Variants in MGAT5 observed in about 807,000 individuals in gnomAD.
MGAT5 encodes alpha-1,6-mannosylglycoprotein 6-beta-N-acetylglucosaminyltransferase A.
A neutral mutation model predicts 94.3 loss-of-function variants in MGAT5; 30 were observed. The ratio of observed to expected loss-of-function variants is 0.32; its 90% CI spans 0.24 to 0.43. The LOEUF (loss-of-function observed/expected upper bound fraction) is 0.43, where lower values mean the gene tolerates loss of function less well. MGAT5 is among the 20% of genes least tolerant of loss of function. The pLI, the probability that MGAT5 is intolerant of heterozygous loss-of-function variation, is 1.00. For missense variants in MGAT5, 691 were observed against 905.5 expected, an observed-to-expected ratio of 0.76 and a Z score of 3.04; for synonymous variants, 310 against 322.9, an observed-to-expected ratio of 0.96 and a Z score of 0.43.
intron 1 of MGAT5, among the ~76,000 whole-genome samples, chr2:134,168,932 A>G (rs1348491063): frequency 1.3e-5 from 2 of 152,176 alleles, no homozygotes; most frequent in Non-Finnish European, 2.9e-5. Context: ...TTGAGAAGGG[A>G]TCAACCTGAC....
chr2:134,212,934 G>T lies in MGAT5; in HGVS notation c.-142-41328G>T, dbSNP rs557031172. On this transcript the variant is annotated intron_variant, in intron 1 of 16. Transcript: ENST00000409645. ...GTAAGTGAGCCAGCTTGAATGCCGA[G>T]CTTCACTGGGCATAGAATGCTGATT... Among the ~76,000 whole-genome samples the T allele has an allele frequency of 5.9e-5, 9 of 152,212 alleles. No homozygotes were observed. In the South Asian group the frequency reaches 1.7e-3, roughly 28 times the overall value.
chr2:134,373,584 CAT>C (rs1680957882), intron 10 of MGAT5, among the ~76,000 whole-genome samples: 1 of 152,196 alleles, frequency 6.6e-6, no homozygotes, highest in Non-Finnish European at 1.5e-5. Context: ...GATTTCTAGG[CAT>C]AGTCCATATT....
At chr2:134,385,003 G>T (rs1029627313) in intron 10 of MGAT5, among the ~76,000 whole-genome samples, 1 of 152,154 alleles carries the variant, frequency 6.6e-6, no homozygotes, top group Non-Finnish European at 1.5e-5. Flanking sequence ...CATGTCCATG[G>T]AAGAGCCATG....
At chr2:134,403,940 A>C (rs2106301315) in intron 11 of MGAT5, among the ~76,000 whole-genome samples, 1 of 152,320 alleles carries the variant, frequency 6.6e-6, no homozygotes, top group Middle Eastern at 3.4e-3. Context: ...ACTGTAGGGA[A>C]GTCCACCCAG....
rs189416308 is a variant in MGAT5, at chr2:134,153,586, G to A, written c.-143+33295G>A. Among the ~76,000 whole-genome samples the A allele has an allele frequency of 3.1e-4, 47 of 152,274 alleles. 1 individual carries two copies. In the East Asian group the frequency reaches 8.3e-3, roughly 27 times the overall value. Reference sequence around the variant, plus strand: ...TGGTCTCCCTGAAGAGGCTGGAAACGTAATCCAGTGGTGTCTGTTTGTTTC... The same window carrying A: ...TGGTCTCCCTGAAGAGGCTGGAAACATAATCCAGTGGTGTCTGTTTGTTTC... On this transcript the variant is annotated intron_variant, in intron 1 of 16. Transcript: ENST00000409645.
chr2:134,286,647 T>C (rs1685024993), intron 2 of MGAT5, among the ~76,000 whole-genome samples: 1 of 152,144 alleles, frequency 6.6e-6, no homozygotes, highest in African/African-American at 2.4e-5. Context: ...CTTGAACTCC[T>C]GACCTCAGGT....
chr2:134,433,639 C>T (rs1283865866), intron 14 of MGAT5, among the ~76,000 whole-genome samples: 2 of 152,132 alleles, frequency 1.3e-5, no homozygotes, highest in South Asian at 2.1e-4. Context: ...AAGCACACGC[C>T]GAGAATGGTC....
intron 14 of MGAT5, among the ~76,000 whole-genome samples, chr2:134,435,000 G>A (rs895381508): frequency 2.0e-5 from 3 of 152,086 alleles, no homozygotes; most frequent in Non-Finnish European, 4.4e-5. Context: ...TGTTTCATGG[G>A]GATTTGTTGA....
intron 1 of MGAT5, among the ~76,000 whole-genome samples, chr2:134,201,350 G>A (rs1443124840): frequency 2.6e-5 from 4 of 152,030 alleles, no homozygotes. Context: ...ATGGGGTTGG[G>A]ATATTGTAAT....
At chr2:134,234,933 G>A (rs1024858235) in intron 1 of MGAT5, among the ~76,000 whole-genome samples, 2 of 152,150 alleles carry the variant, frequency 1.3e-5, no homozygotes, top group Non-Finnish European at 2.9e-5. Context: ...AGCTTCAAGT[G>A]CTTAGGGTGG....
At chr2:134,289,413 T>A (rs4954125) in intron 2 of MGAT5, among the ~76,000 whole-genome samples, 17 of 152,000 alleles carry the variant, frequency 1.1e-4, no homozygotes, top group Admixed American at 4.6e-4. Flanking sequence ...AGCCAGCTGC[T>A]TCCTGCCAGT....
chr2:134,144,104 C>T (rs1040597341), intron 1 of MGAT5, among the ~76,000 whole-genome samples: 3 of 152,170 alleles, frequency 2.0e-5, no homozygotes, highest in Non-Finnish European at 4.4e-5. Context: ...ATGAAGCTCA[C>T]TGGGCTCCAA....
chr2:134,357,894 G>T (rs1000044812), intron 9 of MGAT5, among the ~76,000 whole-genome samples: 6 of 150,068 alleles, frequency 4.0e-5, no homozygotes, highest in Admixed American at 4.0e-4. Context: ...AAAAAAATCA[G>T]TTTTTGTAAA....
At chr2:134,416,474 C>CTTTTTTTTTTT (rs71275904) in intron 12 of MGAT5, among the ~76,000 whole-genome samples, 28 of 139,204 alleles carry the variant, frequency 2.0e-4, no homozygotes, top group African/African-American at 7.1e-4. Context: ...TCATTCCTTA[C>CTTTTTTTTTTT]TTTTTTTTTT....
In MGAT5 at chr2:134,412,883, T is replaced by C. The variant is rs1683755097; in HGVS notation, c.1545T>C (p.Leu515=). ...CTGTCTTACAGTTGTTTGTTGGACTTGGGTTCCCTTACGAGGGCCCAGCTC... is the reference window on the plus strand; with the variant it reads ...CTGTCTTACAGTTGTTTGTTGGACTCGGGTTCCCTTACGAGGGCCCAGCTC... ...LLRETKLFVG[L]GFPYEGPAPL... is the part of the protein sequence containing the mutation. Residue 515 remains leucine (L), a synonymous_variant, in exon 12 of 16, where the codon CTT becomes CTC. Coordinates refer to ENST00000281923, the MANE Select transcript of MGAT5 (RefSeq NM_002410.5). 3 of 1,614,118 alleles carry C rather than the reference T, an allele frequency of 1.9e-6. No individual in the cohort carries two copies. The highest frequency in any genetic ancestry group is 2.5e-6 in the Non-Finnish European group (3 of 1,180,000).
chr2:134,423,819 G>A (rs955241533), intron 13 of MGAT5, among the ~76,000 whole-genome samples: 1 of 147,590 alleles, frequency 6.8e-6, no homozygotes, highest in Admixed American at 6.7e-5. Context: ...TAAGTTCAAT[G>A]TCTACTTGTG....
intron 1 of MGAT5, among the ~76,000 whole-genome samples, chr2:134,133,277 A>T (rs561392692): frequency 1.3e-5 from 2 of 152,306 alleles, no homozygotes; most frequent in South Asian, 2.1e-4. Flanking sequence ...TTTTTTTAAA[A>T]CTCAGATTTA....
At chr2:134,127,493 T>G (rs1573704200) in intron 1 of MGAT5, among the ~76,000 whole-genome samples, 1 of 123,648 alleles carries the variant, frequency 8.1e-6, no homozygotes, top group South Asian at 2.5e-4. Context: ...AAGGAAAAGG[T>G]TTCCCCCCCC....
chr2:134,187,472 T>C (rs540431223), intron 1 of MGAT5, among the ~76,000 whole-genome samples: 4 of 152,324 alleles, frequency 2.6e-5, no homozygotes, highest in Non-Finnish European at 5.9e-5. Flanking sequence ...CTATGATTTA[T>C]TTCACTCCAG....
Sources: allele counts gnomAD v4.1 joint callset (sites outside exome capture counted in the v4.1 genomes callset), GRCh38; gene constraint gnomAD v4.1.1; transcripts MANE v1.5; gene names NCBI Gene and HGNC (gene_info 2026-07-23, HGNC 2026-07-21).